PDE11A: variants seen among roughly 807,000 people sequenced by gnomAD.
PDE11A encodes phosphodiesterase 11A, also known as dual 3',5'-cyclic-AMP and -GMP phosphodiesterase 11A.
In PDE11A, 100 loss-of-function variants were observed where a neutral mutation model predicts 100.5. That is an observed-to-expected ratio of 1.00 (90% CI 0.85 to 1.18). PDE11A has a LOEUF of 1.18. Among genes scored for constraint, PDE11A ranks in the 50% most tolerant of loss-of-function variants. PDE11A has a pLI of 0.00. For missense variants in PDE11A, 1,141 were observed against 1,152.6 expected, an observed-to-expected ratio of 0.99 and a Z score of 0.15; for synonymous variants, 381 against 420.8, an observed-to-expected ratio of 0.91 and a Z score of 1.16.
chr2:177,801,884 TG>T (rs1485897095), intron 9 of PDE11A, among the ~76,000 whole-genome samples: 1 of 151,692 alleles, frequency 6.6e-6, no homozygotes, highest in African/African-American at 2.4e-5. Flanking sequence ...AAAGACACCA[TG>T]AAAAAATCTT....
intron 1 of PDE11A, among the ~76,000 whole-genome samples, chr2:178,071,173 C>T (rs920109192): frequency 6.6e-6 from 1 of 152,298 alleles, no homozygotes; most frequent in Non-Finnish European, 1.5e-5. Flanking sequence ...TTTCTAGCAA[C>T]TCACAAACAC....
intron 2 of PDE11A, among the ~76,000 whole-genome samples, chr2:177,990,860 G>A (rs1196323632): frequency 2.0e-5 from 3 of 148,196 alleles, no homozygotes; most frequent in Non-Finnish European, 4.5e-5. Flanking sequence ...TGGGCACGGT[G>A]GTGCGCTCCT....
At chr2:177,860,550 T>C (rs1006263151) in intron 5 of PDE11A, among the ~76,000 whole-genome samples, 2 of 151,758 alleles carry the variant, frequency 1.3e-5, no homozygotes, top group African/African-American at 2.4e-5. Flanking sequence ...AAAATGTCAG[T>C]CCTTAACAAA....
intron 9 of PDE11A, among the ~76,000 whole-genome samples, chr2:177,811,997 A>G (rs886951643): frequency 1.3e-5 from 2 of 152,198 alleles, no homozygotes; most frequent in African/African-American, 2.4e-5. Flanking sequence ...GCATAGTCTT[A>G]CAAGAAATCT....
chr2:177,873,649 C>T (rs1213772506), intron 5 of PDE11A, among the ~76,000 whole-genome samples: 1 of 152,040 alleles, frequency 6.6e-6, no homozygotes, highest in African/African-American at 2.4e-5. Context: ...CCATCACAAC[C>T]CTCTACCCCT....
At chr2:177,794,231 C>T (rs1166845801) in intron 9 of PDE11A, among the ~76,000 whole-genome samples, 2 of 152,090 alleles carry the variant, frequency 1.3e-5, no homozygotes, top group Non-Finnish European at 2.9e-5. Flanking sequence ...ACAAATAAAA[C>T]CTGAAATTGC....
intron 15 of PDE11A, among the ~76,000 whole-genome samples, chr2:177,696,036 T>C (rs1356887927): frequency 6.6e-6 from 1 of 152,060 alleles, no homozygotes. Flanking sequence ...TTCCAAAGGG[T>C]AATGCGTAGA....
chr2:177,802,111 G>A (rs1020293857), intron 9 of PDE11A, among the ~76,000 whole-genome samples: 6 of 151,912 alleles, frequency 3.9e-5, no homozygotes, highest in Non-Finnish European at 5.9e-5. Context: ...TAGAAAAAGA[G>A]TACAACATTT....
chr2:178,011,084 G>C (rs914143661), intron 2 of PDE11A, among the ~76,000 whole-genome samples: 27 of 152,054 alleles, frequency 1.8e-4, no homozygotes, highest in African/African-American at 6.5e-4. Flanking sequence ...CAAGTTTTAC[G>C]GTGAAAAAAA....
At chr2:178,005,936 T>C (rs1217568709) in intron 2 of PDE11A, among the ~76,000 whole-genome samples, 1 of 152,176 alleles carries the variant, frequency 6.6e-6, no homozygotes, top group Non-Finnish European at 1.5e-5. Flanking sequence ...TTGGTAACTC[T>C]TAGAAACATA....
intron 2 of PDE11A, among the ~76,000 whole-genome samples, chr2:177,964,536 TC>T (rs1185282632): frequency 6.6e-6 from 1 of 152,142 alleles, no homozygotes; most frequent in African/African-American, 2.4e-5. Context: ...TTCACCCTCT[TC>T]CAACCCTTCA....
intron 13 of PDE11A, among the ~76,000 whole-genome samples, chr2:177,708,922 G>C (rs2081319120): frequency 6.6e-6 from 1 of 152,198 alleles, no homozygotes. Flanking sequence ...ATTGACCATG[G>C]GGGTACATTA....
At chr2:177,842,629 C>A (rs1391397517) in intron 5 of PDE11A, among the ~76,000 whole-genome samples, 1 of 152,198 alleles carries the variant, frequency 6.6e-6, no homozygotes, top group East Asian at 1.9e-4. Flanking sequence ...GCAAGAAGAA[C>A]TGGGTAAGAG....
At chr2:177,786,672 C>A (rs2082542795) in intron 9 of PDE11A, among the ~76,000 whole-genome samples, 1 of 152,030 alleles carries the variant, frequency 6.6e-6, no homozygotes, top group Non-Finnish European at 1.5e-5. Context: ...ACTAGAATAA[C>A]CAATACAGAG....
intron 12 of PDE11A, among the ~76,000 whole-genome samples, chr2:177,722,119 A>G (rs1211894297): frequency 6.6e-6 from 1 of 152,134 alleles, no homozygotes; most frequent in Non-Finnish European, 1.5e-5. Flanking sequence ...TAAAAATCTC[A>G]AGAATAAATT....
intron 3 of PDE11A, among the ~76,000 whole-genome samples, chr2:177,902,923 T>TCTCC (rs966118390): frequency 6.6e-6 from 1 of 152,086 alleles, no homozygotes; most frequent in African/African-American, 2.4e-5. Context: ...GCTCCAGCCT[T>TCTCC]CTCCCTCCCT....
intron 7 of PDE11A, among the ~76,000 whole-genome samples, chr2:177,819,278 A>T (rs760656688): frequency 2.0e-5 from 3 of 152,108 alleles, no homozygotes; most frequent in Admixed American, 6.6e-5. Flanking sequence ...CTCAGAATTC[A>T]TATCTTAAAA....
intron 9 of PDE11A, among the ~76,000 whole-genome samples, chr2:177,786,532 G>T (rs1485679819): frequency 6.6e-6 from 1 of 152,210 alleles, no homozygotes; most frequent in African/African-American, 2.4e-5. Context: ...AACAAAGCTG[G>T]ACGGAGAATG....
At chr2:178,080,835 C>T (rs934836679) in intron 2 of PDE11A, among the ~76,000 whole-genome samples, 1 of 151,834 alleles carries the variant, frequency 6.6e-6, no homozygotes, top group African/African-American at 2.4e-5. Flanking sequence ...ACATGCCAAC[C>T]CTCAATTATT....
Sources: gnomAD v4.1 joint callset for allele counts (sites outside exome capture counted in the v4.1 genomes callset) on GRCh38, gnomAD v4.1.1 for gene constraint, MANE v1.5 for transcripts, NCBI Gene and HGNC (gene_info 2026-07-23, HGNC 2026-07-21) for gene names.